The following ZNF839 variants were observed in gnomAD, a reference collection of about 807,000 sequenced individuals.
ZNF839 encodes the protein renal carcinoma antigen NY-REN-50.
In ZNF839, 38 loss-of-function variants were observed where a neutral mutation model predicts 56.4. That is an observed-to-expected ratio of 0.67 (90% CI 0.52 to 0.88). ZNF839 has a LOEUF of 0.88. Ranked by LOEUF, ZNF839 falls within the 40% of genes least tolerant of loss-of-function variation. ZNF839 has a pLI of 0.00. For synonymous variants in ZNF839, 486 were observed against 493.5 expected, an observed-to-expected ratio of 0.98 and a Z score of 0.20; for missense variants, 1,091 against 1,177.6, an observed-to-expected ratio of 0.93 and a Z score of 1.08.
At chr14:102,338,795 T>A in intron 5 of ZNF839, 21 bp from the exon 6 acceptor site, 1 of 1,613,834 alleles carries the variant, frequency 6.2e-7, no homozygotes, top group Non-Finnish European at 8.5e-7. Flanking sequence ...AAGTTTATTC[T>A]CTTGGCCCAT....
chr14:102,340,274 C>CTTT (rs34818560), intron 7 of ZNF839, among the ~76,000 whole-genome samples: 1 of 128,506 alleles, frequency 7.8e-6, no homozygotes. Context: ...CTACGCCAGC[C>CTTT]TTTTTTTTTT....
Position 102,326,728 on chromosome 14 carries a change from G to A in ZNF839, c.1032G>A (p.Glu344=). The A allele has an allele frequency of 1.2e-6, 2 of 1,613,342 alleles. No individual in the cohort carries two copies. Residue 344 remains glutamate, a synonymous_variant, in exon 2 of 8, where the codon GAG becomes GAA. Coordinates refer to ENST00000442396, the MANE Select transcript of ZNF839 (RefSeq NM_018335.6). This position sits in a 1 kb window ranked among gnomAD's most constrained non-coding sequence, Gnocchi z 4.3. The part of the protein sequence containing the change: ...LNPGHGQLDP[E]MVLSEKASGS... The stretch of plus-strand genomic sequence containing the variant: ...CAGGCCACGGCCAGTTGGACCCCGA[G>A]ATGGTGCTGTCTGAGAAAGCCAGTG...
intron 2 of ZNF839, among the ~76,000 whole-genome samples, chr14:102,329,402 A>G (rs574047594): frequency 6.7e-6 from 1 of 148,508 alleles, no homozygotes; most frequent in Non-Finnish European, 1.5e-5. Context: ...TTATTTATTT[A>G]TTTTTTCAGT....
rs1167668290 is a variant in ZNF839, at chr14:102,342,155, G to T, written c.2760G>T (p.Gly920=). 6 of 1,609,868 alleles carry T rather than the reference G, an allele frequency of 3.7e-6. No homozygotes were observed. The highest frequency in any genetic ancestry group is 5.1e-6 in the Non-Finnish European group (6 of 1,177,052). ...EDIVTVTDAE[G]RACGWAR ...TTGTCACAGTGACTGATGCAGAGGG[G>T]CGTGCCTGCGGATGGGCCCGCTAGA... The change falls in exon 8 of 8, where the codon GGG becomes GGT. Residue 920 remains glycine (G), a synonymous_variant. Coordinates refer to ENST00000442396, the MANE Select transcript of ZNF839 (RefSeq NM_018335.6).
At chr14:102,323,055 G>A (rs973060879) in intron 1 of ZNF839, among the ~76,000 whole-genome samples, 12 of 152,346 alleles carry the variant, frequency 7.9e-5, no homozygotes, top group Admixed American at 7.8e-4. Flanking sequence ...CTTGATCTCA[G>A]TGAGGATCTT....
intron 5 of ZNF839, among the ~76,000 whole-genome samples, chr14:102,338,120 T>C (rs919737111): frequency 2.6e-5 from 4 of 152,132 alleles, no homozygotes; most frequent in African/African-American, 9.7e-5. Flanking sequence ...GGCAGGATCG[T>C]TTTTCTCAAG....
chr14:102,326,568 A>T lies in ZNF839; in HGVS notation c.872A>T (p.Asp291Val). The stretch of plus-strand genomic sequence containing the variant: ...TACTCAGAACTCTGTGTGGAAGAAG[A>T]TGAAGATCAGAGGGAGAGGCACGCA... Reference protein sequence around the residue: ...DDYSELCVEEDEDQRERHALF... With the variant: ...DDYSELCVEEVEDQRERHALF... The change falls in exon 2 of 8, where the codon GAT becomes GTT. Residue 291 changes from aspartate to valine, a missense_variant. Coordinates refer to ENST00000442396, the MANE Select transcript of ZNF839 (RefSeq NM_018335.6). The surrounding 1 kb of genome is among the most constrained non-coding windows in gnomAD (Gnocchi z 4.3). The T allele has an allele frequency of 6.2e-7, 1 of 1,613,998 alleles. No individual in the cohort carries two copies.
chr14:102,341,504 G>T lies in ZNF839; in HGVS notation c.2109G>T (p.Leu703=). 6.3e-7 allele frequency: 1 copy of T among 1,599,542 alleles called. No homozygotes were observed. The highest frequency in any genetic ancestry group is 8.5e-7 in the Non-Finnish European group (1 of 1,171,468). The part of the protein sequence containing the change: ...AALSSRDVSG[L]PVYAQSGEPR... ...TCTCATCCCGGGATGTCAGTGGGCT[G>T]CCTGTTTATGCTCAGTCAGGAGAGC... The change falls in exon 8 of 8, where the codon CTG becomes CTT. Residue 703 remains leucine, a synonymous_variant. Transcript: ENST00000442396.
intron 1 of ZNF839, among the ~76,000 whole-genome samples, chr14:102,320,940 C>T (rs560184572): frequency 1.3e-5 from 2 of 152,282 alleles, no homozygotes; most frequent in African/African-American, 4.8e-5. Flanking sequence ...CCCAAAATTG[C>T]CAAAAGAAGA....
intron 2 of ZNF839, among the ~76,000 whole-genome samples, chr14:102,327,682 G>C (rs571984653): frequency 1.4e-4 from 21 of 152,282 alleles, no homozygotes; most frequent in African/African-American, 4.1e-4. Flanking sequence ...TGATCTGATG[G>C]GGATTCAGGC....
Position 102,319,975 on chromosome 14 carries a change from G to A in ZNF839, c.210G>A (p.Arg70=), listed in dbSNP as rs1303181150. ...TGCGGGACGCGGCGCGGCGGCTGCG[G>A]GACGCGGCCCAACAGGCCGCCCTGC... The part of the protein sequence containing the change: ...FVLRDAARRL[R]DAAQQAALQR... Residue 70 remains arginine, a synonymous_variant, in exon 1 of 8, where the codon CGG becomes CGA. Transcript: ENST00000442396. This position sits in a 1 kb window ranked among gnomAD's most constrained non-coding sequence, Gnocchi z 4.5. The A allele has an allele frequency of 2.2e-5, 26 of 1,173,240 alleles. No homozygotes were observed. The highest frequency in any genetic ancestry group is 4.0e-5 in the South Asian group (1 of 24,790). The allele number at this position is 1,173,240 out of a possible 1,614,324, so 72.7% of individuals were successfully genotyped here.
Position 102,326,258 on chromosome 14 carries a change from G to A in ZNF839, c.562G>A (p.Val188Ile). 6.2e-7 allele frequency: 1 copy of A among 1,613,834 alleles called. No individual in the cohort carries two copies. The highest frequency in any genetic ancestry group is 1.1e-5 in the South Asian group (1 of 91,050). The change falls in exon 2 of 8, where the codon GTC becomes ATC. Residue 188 changes from valine to isoleucine, a missense_variant. Val to Ile is a conservative substitution (Grantham distance 29). This residue lies in a region of ZNF839 where 614 missense variants were observed against 629.2 expected (regional missense o/e 0.98). Transcript: ENST00000442396. This position sits in a 1 kb window ranked among gnomAD's most constrained non-coding sequence, Gnocchi z 4.3. Reference protein sequence around the residue: ...VQRPLPALQVVPAKRVPAPKA... With the variant: ...VQRPLPALQVIPAKRVPAPKA... ...GAGACCACTGCCAGCCCTCCAGGTG[G>A]TCCCTGCAAAGAGAGTCCCAGCCCC...
At position 102,326,040 on chromosome 14, in the gene ZNF839, G is replaced by A. The variant is rs1484248694; in HGVS notation, c.344G>A (p.Arg115Lys). 1.2e-6 allele frequency: 2 copies of A among 1,613,430 alleles called. No homozygotes were observed. Among genetic ancestry groups the A allele is most frequent in the Non-Finnish European group, 1.7e-6 (2 of 1,179,706 alleles). The change falls in exon 2 of 8, where the codon AGG becomes AAG. Residue 115 changes from arginine (R) to lysine (K), a missense_variant. This residue lies in a region of ZNF839 where 614 missense variants were observed against 629.2 expected (regional missense o/e 0.98). Transcript: ENST00000442396. The surrounding 1 kb of genome is among the most constrained non-coding windows in gnomAD (Gnocchi z 4.3). ...TCTGGAGAAACAAAAGGTCAGGAAA[G>A]GCCAATGCTCCTACCGACCACAATC... ...VTSGETKGQE[R>K]PMLLPTTIQP...
chr14:102,319,106 G>A (rs1365466705), upstream of ZNF839, among the ~76,000 whole-genome samples: 1 of 152,178 alleles, frequency 6.6e-6, no homozygotes, highest in Non-Finnish European at 1.5e-5. The surrounding 1 kb of genome is among the most constrained non-coding windows in gnomAD (Gnocchi z 4.5). Flanking sequence ...AGAGAGGGTG[G>A]GTTCATTCAT....
chr14:102,339,403 C>G (rs1434399351), intron 7 of ZNF839, among the ~76,000 whole-genome samples, 180 bp downstream of exon 7: 1 of 152,132 alleles, frequency 6.6e-6, no homozygotes, highest in African/African-American at 2.4e-5. Flanking sequence ...AGATTCATTC[C>G]CTGCGAGTCT....
rs946178488 is a variant in ZNF839, at chr14:102,319,783, G to A, written c.18G>A (p.Pro6=). The change falls in exon 1 of 8, where the codon CCG becomes CCA. Residue 6 remains proline, a synonymous_variant. Coordinates refer to ENST00000442396, the MANE Select transcript of ZNF839 (RefSeq NM_018335.6). This position sits in a 1 kb window ranked among gnomAD's most constrained non-coding sequence, Gnocchi z 4.5. MADAE[P]EAGGGSEDGG... The stretch of plus-strand genomic sequence containing the variant: ...CGGCCGCCATGGCGGATGCGGAGCC[G>A]GAGGCTGGGGGCGGCAGCGAGGATG... 6.0e-5 allele frequency: 74 copies of A among 1,231,802 alleles called. No individual in the cohort carries two copies. The highest frequency in any genetic ancestry group is 3.8e-4 in the Admixed American group (9 of 23,574). 76.3% of individuals were successfully genotyped at this position (1,231,802 alleles called of 1,614,324 possible).
At chr14:102,329,224 A>T (rs1261217974) in intron 2 of ZNF839, among the ~76,000 whole-genome samples, 2 of 151,824 alleles carry the variant, frequency 1.3e-5, no homozygotes, top group Admixed American at 6.6e-5. Context: ...CGCCTTGGCC[A>T]CCCAAAGTGC....
At position 102,335,842 on chromosome 14, in the gene ZNF839, A is replaced by G. The variant is rs370803270; in HGVS notation, c.1659+4A>G. The G allele has an allele frequency of 2.5e-5, 40 of 1,609,076 alleles. No individual in the cohort carries two copies. Among genetic ancestry groups the G allele is most frequent in the Non-Finnish European group, 5.9e-6 (7 of 1,179,652 alleles). ...CCTGGAAATAAACAATGATAAGGTAACAATCTCCCATGGCAGAAAGAGTTT... is the reference window on the plus strand; with the variant it reads ...CCTGGAAATAAACAATGATAAGGTAGCAATCTCCCATGGCAGAAAGAGTTT... On this transcript the variant is annotated splice_donor_region_variant and intron_variant, in intron 5 of 7. Coordinates refer to ENST00000442396, the MANE Select transcript of ZNF839 (RefSeq NM_018335.6).
rs80283795 is a variant in ZNF839, at chr14:102,339,261, C to A, written c.1927+38C>A. ...TGCTGTTTGTGGGGTGTATCCATGG[C>A]CTGGCAGCCCTGCTGACATGCACAG... On this transcript the variant is annotated intron_variant, in intron 7 of 7. Transcript: ENST00000442396. 3,594 of 1,595,228 alleles carry A rather than the reference C, an allele frequency of 2.3e-3. 75 individuals carry two copies. The East Asian group carries it at 0.051, about 23-fold the overall frequency.
Sources: gnomAD v4.1 joint callset for allele counts (sites outside exome capture counted in the v4.1 genomes callset) on GRCh38, gnomAD v4.1.1 for gene constraint, gnomAD v4.1.1 regional missense constraint, Gnocchi (gnomAD v3.1) non-coding constraint, MANE v1.5 for transcripts, NCBI Gene and HGNC (gene_info 2026-07-23, HGNC 2026-07-21) for gene names.